RAB10: variants seen among roughly 807,000 people sequenced by gnomAD.
RAB10 encodes the protein ras-related protein Rab-10.
A neutral mutation model predicts 25.7 loss-of-function variants in RAB10; 5 were observed. The ratio of observed to expected loss-of-function variants is 0.19; its 90% CI spans 0.10 to 0.41. The LOEUF is 0.41. RAB10 is among the 10% of genes least tolerant of loss of function. RAB10 has a pLI of 1.00. For synonymous variants in RAB10, 89 were observed against 86.4 expected (o/e 1.03, Z -0.16); for missense variants, 103 against 245.8 (o/e 0.42, Z 3.89).
intron 3 of RAB10, among the ~76,000 whole-genome samples, chr2:26,119,072 T>G (rs931073806): frequency 1.3e-5 from 2 of 152,160 alleles, no homozygotes; most frequent in African/African-American, 4.8e-5. Flanking sequence ...GTCTTTAACC[T>G]CATCATGCTT....
chr2:26,108,187 A>G (rs868612951), intron 2 of RAB10, among the ~76,000 whole-genome samples: 36 of 152,248 alleles, frequency 2.4e-4, no homozygotes, highest in African/African-American at 8.4e-4. Flanking sequence ...TTATGTCCAC[A>G]TAGAAACCTG....
At chr2:26,111,860 C>G (rs1267415601) in intron 3 of RAB10, among the ~76,000 whole-genome samples, 1 of 152,136 alleles carries the variant, frequency 6.6e-6, no homozygotes. Context: ...CAAAATTGCC[C>G]TCACTTGAGA....
intron 5 of RAB10, among the ~76,000 whole-genome samples, chr2:26,130,183 TC>T (rs1200220471): frequency 6.6e-6 from 1 of 152,238 alleles, no homozygotes; most frequent in Non-Finnish European, 1.5e-5. Context: ...GAATAGTCTT[TC>T]ACAATTGAGT....
intron 3 of RAB10, among the ~76,000 whole-genome samples, chr2:26,125,008 A>G (rs1370608633): frequency 3.3e-5 from 5 of 152,162 alleles, no homozygotes; most frequent in African/African-American, 9.7e-5. Context: ...TCATTCACCC[A>G]TTGTTGGATA....
At position 26,078,072 on chromosome 2, in the gene RAB10, A is replaced by T. The variant is rs561550500; in HGVS notation, c.128-20590A>T. ...TGAATCATCCAAAAATTAAAGTAAG[A>T]CAATTCCATTTACAGTAGCATCAAA... On this transcript the variant is annotated intron_variant, in intron 1 of 5. Coordinates refer to ENST00000264710, the MANE Select transcript of RAB10 (RefSeq NM_016131.5). Among the ~76,000 whole-genome samples, 33 of 152,324 alleles carry T rather than the reference A, an allele frequency of 2.2e-4. No homozygotes were observed. The East Asian group carries it at 5.2e-3, about 24-fold the overall frequency.
At chr2:26,059,499 A>G (rs1490571225) in intron 1 of RAB10, among the ~76,000 whole-genome samples, 1 of 152,226 alleles carries the variant, frequency 6.6e-6, no homozygotes, top group Non-Finnish European at 1.5e-5. Flanking sequence ...AAAATTTGAG[A>G]AGCACATGGT....
chr2:26,080,843 A>G (rs1182996278), intron 1 of RAB10, among the ~76,000 whole-genome samples: 1 of 151,984 alleles, frequency 6.6e-6, no homozygotes, highest in Non-Finnish European at 1.5e-5. Flanking sequence ...ATAGAGAGAA[A>G]CTCTGTAGAT....
intron 1 of RAB10, among the ~76,000 whole-genome samples, chr2:26,092,441 A>G (rs1667129919): frequency 6.6e-6 from 1 of 152,112 alleles, no homozygotes; most frequent in South Asian, 2.1e-4. Flanking sequence ...GGTAAAAACA[A>G]AAAGTGAAAT....
At chr2:26,109,238 A>G in intron 2 of RAB10, among the ~76,000 whole-genome samples, 1 of 152,076 alleles carries the variant, frequency 6.6e-6, no homozygotes, top group Non-Finnish European at 1.5e-5. Flanking sequence ...AAAAGATACT[A>G]AAACATGTTT....
At chr2:26,065,229 G>GA (rs886945271) in intron 1 of RAB10, among the ~76,000 whole-genome samples, 159 of 147,460 alleles carry the variant, frequency 1.1e-3, no homozygotes, top group Non-Finnish European at 1.3e-3. Context: ...AAAAGAAAAA[G>GA]AAAAAAAAAA....
chr2:26,067,363 G>A (rs1001599779), intron 1 of RAB10, among the ~76,000 whole-genome samples: 1 of 152,172 alleles, frequency 6.6e-6, no homozygotes, highest in Admixed American at 6.5e-5. Context: ...AAAGGTCATT[G>A]TAGCAAAAGG....
chr2:26,120,613 G>C (rs1329488688), intron 3 of RAB10, among the ~76,000 whole-genome samples: 1 of 151,300 alleles, frequency 6.6e-6, no homozygotes. Context: ...TTCTTGAGAC[G>C]GAGTCTCGCT....
chr2:26,101,721 G>T (rs2149281156), intron 2 of RAB10: 1 of 172 alleles, frequency 5.8e-3, no homozygotes, highest in South Asian at 0.5. Context: ...GCCAGTGAAT[G>T]GTGGCCTGCA....
intron 4 of RAB10, among the ~76,000 whole-genome samples, chr2:26,127,483 C>T (rs566203095): frequency 6.6e-6 from 1 of 152,124 alleles, no homozygotes; most frequent in South Asian, 2.1e-4. Flanking sequence ...AAATATAAGT[C>T]ATTAATCCTC....
intron 1 of RAB10, 37 bp downstream of exon 1, chr2:26,034,772 G>A (rs1215538322): frequency 6.2e-7 from 1 of 1,610,746 alleles, no homozygotes; most frequent in African/African-American, 1.3e-5. Context: ...GGTCTCGGTA[G>A]CTGCATACCG....
chr2:26,050,639 C>T (rs1666110914), intron 1 of RAB10, among the ~76,000 whole-genome samples: 1 of 151,844 alleles, frequency 6.6e-6, no homozygotes, highest in African/African-American at 2.4e-5. Flanking sequence ...CTTGTCTATT[C>T]CTTAATTTTT....
rs560585118 is a variant in RAB10 at position 26,056,865 on chromosome 2, C to T, written c.127+22130C>T. ...TTGGTCTCGAACTCCTGGCCTCAAG[C>T]GATCCTCTTGCCTCCTAAAGTGCTG... On this transcript the variant is annotated intron_variant, in intron 1 of 5. Transcript: ENST00000264710. Among the ~76,000 whole-genome samples, 69 of 152,046 alleles carry T rather than the reference C, an allele frequency of 4.5e-4. 2 individuals are homozygous for T. The South Asian group carries it at 0.013, about 28-fold the overall frequency.
intron 3 of RAB10, among the ~76,000 whole-genome samples, chr2:26,115,482 A>G (rs1271497697): frequency 1.3e-5 from 2 of 152,254 alleles, no homozygotes; most frequent in African/African-American, 4.8e-5. Context: ...GAAGCCAGAC[A>G]TAAAAGGCCT....
chr2:26,039,202 G>A (rs965425692), intron 1 of RAB10, among the ~76,000 whole-genome samples: 29 of 151,734 alleles, frequency 1.9e-4, no homozygotes, highest in African/African-American at 6.5e-4. Context: ...GAATTTTTTA[G>A]TAGAGACAGG....
Sources: gnomAD v4.1 joint callset for allele counts (sites outside exome capture counted in the v4.1 genomes callset) on GRCh38, gnomAD v4.1.1 for gene constraint, MANE v1.5 for transcripts, NCBI Gene and HGNC (gene_info 2026-07-23, HGNC 2026-07-21) for gene names.